Variants in FER1L5 observed in about 807,000 individuals in gnomAD.
The protein encoded by FER1L5 is fer-1-like protein 5.
In FER1L5, 187 loss-of-function variants were observed where a neutral mutation model predicts 279.9. The ratio of observed to expected loss-of-function variants is 0.67; its 90% CI spans 0.59 to 0.75. The LOEUF (loss-of-function observed/expected upper bound fraction) is 0.75. Ranked by LOEUF, FER1L5 falls within the 30% of genes least tolerant of loss-of-function variation. The probability of loss-of-function intolerance (pLI) is 0.00; values close to 1 mark genes in which losing one functional copy is unlikely to be tolerated. For missense variants in FER1L5, 2,091 were observed against 2,594.4 expected, an observed-to-expected ratio of 0.81 and a Z score of 4.21; for synonymous variants, 921 against 989.7, an observed-to-expected ratio of 0.93 and a Z score of 1.30.
At chr2:96,673,002 C>T in intron 18 of FER1L5, 75 bp from the exon 19 acceptor site, 1 of 1,481,354 alleles carries the variant, frequency 6.8e-7, no homozygotes, top group Non-Finnish European at 9.0e-7. Context: ...ATACCTCATC[C>T]TTGCCTCCCT....
At chr2:96,664,401 A>G (rs550038134) in intron 14 of FER1L5, among the ~76,000 whole-genome samples, 1 of 152,274 alleles carries the variant, frequency 6.6e-6, no homozygotes, top group East Asian at 1.9e-4. Flanking sequence ...ACTACGTATT[A>G]GCTTGCATTT....
At chr2:96,661,290 C>A in intron 10 of FER1L5, 35 bp from the exon 11 acceptor site, 1 of 1,411,426 alleles carries the variant, frequency 7.1e-7, no homozygotes. Flanking sequence ...AAGGAGGCTG[C>A]AGGCAGATCT....
At chr2:96,679,123 G>A (rs2076618353) in intron 19 of FER1L5, among the ~76,000 whole-genome samples, 1 of 152,072 alleles carries the variant, frequency 6.6e-6, no homozygotes. Context: ...GGGAGGCTGA[G>A]GCAGATCACT....
intron 17 of FER1L5, among the ~76,000 whole-genome samples, chr2:96,669,407 G>A (rs946672043): frequency 6.6e-6 from 1 of 152,202 alleles, no homozygotes; most frequent in Non-Finnish European, 1.5e-5. Flanking sequence ...GGAAGGGCGC[G>A]AAGGACGGAG....
intron 8 of FER1L5, chr2:96,654,038 C>A: frequency 2.6e-6 from 1 of 385,298 alleles, no homozygotes; most frequent in Non-Finnish European, 4.7e-6. Flanking sequence ...CAATGTGGAA[C>A]ATGTGGTTAT....
chr2:96,659,344 T>C (rs2075765140), intron 9 of FER1L5, among the ~76,000 whole-genome samples: 1 of 84,894 alleles, frequency 1.2e-5, no homozygotes, highest in African/African-American at 5.1e-5. Flanking sequence ...CTTCCTTCCT[T>C]CCTTCCTTCC....
chr2:96,658,596 C>T (rs1402943245), intron 9 of FER1L5, among the ~76,000 whole-genome samples: 1 of 151,936 alleles, frequency 6.6e-6, no homozygotes, highest in East Asian at 1.9e-4. Context: ...AGTTTTTTTT[C>T]CAAAATTCCA....
intron 18 of FER1L5, 24 bp downstream of exon 18, chr2:96,670,271 C>T (rs1013923730): frequency 7.1e-6 from 11 of 1,549,688 alleles, no homozygotes; most frequent in Non-Finnish European, 8.7e-6. Flanking sequence ...ACAGGTAACC[C>T]AGGGAAAAAC....
In FER1L5 at chr2:96,695,543, C is replaced by A; in HGVS notation, c.3776C>A (p.Ala1259Glu). 1 of 1,593,224 alleles carries A rather than the reference C, an allele frequency of 6.3e-7. No homozygotes were observed. Among genetic ancestry groups the A allele is most frequent in the East Asian group, 2.3e-5 (1 of 43,990 alleles). The change falls in exon 35 of 53, where the codon GCG becomes GAG. Residue 1259 changes from alanine (A) to glutamate (E), a missense_variant. Physicochemically the swap from Ala to Glu is moderately radical, Grantham distance 107. Transcript: ENST00000624922. The part of the protein sequence containing the change: ...LAWGLRNMKK[A>E]SSPQLLVEFG... ...TGGGGCCTTCGGAACATGAAGAAGGCGAGCTCCCCCCAGCTCCTGGTGGAA... is the reference window on the plus strand; with the variant it reads ...TGGGGCCTTCGGAACATGAAGAAGGAGAGCTCCCCCCAGCTCCTGGTGGAA...
intron 11 of FER1L5, 64 bp from the exon 12 acceptor site, chr2:96,661,604 G>A: frequency 6.5e-7 from 1 of 1,547,124 alleles, no homozygotes. Flanking sequence ...GAGAAGCAAA[G>A]TCTGGTGTCC....
intron 19 of FER1L5, among the ~76,000 whole-genome samples, chr2:96,673,612 TCCCA>T (rs2076407393): frequency 6.6e-6 from 1 of 151,944 alleles, no homozygotes; most frequent in Non-Finnish European, 1.5e-5. Context: ...GCCACTCAAC[TCCCA>T]CCCACCCACT....
chr2:96,675,490 A>G (rs2076478600), intron 19 of FER1L5, among the ~76,000 whole-genome samples: 1 of 152,174 alleles, frequency 6.6e-6, no homozygotes, highest in African/African-American at 2.4e-5. Flanking sequence ...GCAATGGTAC[A>G]ATCTCAGCTC....
intron 9 of FER1L5, among the ~76,000 whole-genome samples, chr2:96,659,279 ATTTATCAAGCT>A (rs1196589741): frequency 1.5e-4 from 21 of 135,930 alleles, no homozygotes; most frequent in African/African-American, 5.6e-4. Flanking sequence ...ATGAAGTCCA[ATTTATCAAGCT>A]TTCCTTCCTT....
chr2:96,656,123 C>T (rs901394848), intron 9 of FER1L5, among the ~76,000 whole-genome samples: 35 of 152,200 alleles, frequency 2.3e-4, no homozygotes, highest in African/African-American at 8.0e-4. Context: ...TAGCCCCCTT[C>T]GCCTTCACCG....
intron 12 of FER1L5, 36 bp downstream of exon 12, chr2:96,661,827 A>G (rs2106527918): frequency 1.3e-6 from 2 of 1,549,800 alleles, no homozygotes; most frequent in Non-Finnish European, 1.7e-6. Flanking sequence ...AGCAGCCCTG[A>G]GATTCCCTAC....
At chr2:96,703,406 A>T in intron 50 of FER1L5, 60 bp downstream of exon 50, 1 of 1,597,358 alleles carries the variant, frequency 6.3e-7, no homozygotes, top group Non-Finnish European at 8.5e-7. Context: ...TGGCTCTAAC[A>T]GACATCTAGG....
chr2:96,656,828 G>A (rs2075619160), intron 9 of FER1L5, among the ~76,000 whole-genome samples: 2 of 149,806 alleles, frequency 1.3e-5, no homozygotes, highest in South Asian at 4.2e-4. Context: ...TCTGGTCTGG[G>A]TTTTGCTGAT....
At chr2:96,680,494 C>G (rs2076679250) in intron 19 of FER1L5, among the ~76,000 whole-genome samples, 1 of 152,088 alleles carries the variant, frequency 6.6e-6, no homozygotes, top group East Asian at 1.9e-4. Flanking sequence ...TGTCCTCTCT[C>G]TGGGCTGCAT....
rs924967770 is a variant in FER1L5, at chr2:96,686,032, C to T, written c.1988C>T (p.Ala663Val). The change falls in exon 22 of 53, where the codon GCC (alanine) becomes GTC (valine). Residue 663 changes from alanine (A) to valine (V), a missense_variant. Ala to Val is a moderately conservative substitution (Grantham distance 64, BLOSUM62 0). Transcript: ENST00000624922. ...QLRSLLLQEL[A>V]QKAKQAKPKD... ...CGCAGCCTCCTCCTGCAGGAACTGG[C>T]CCAAAAGGCCAAGCAAGCCAAGCCC... 3 of 1,551,480 alleles carry T rather than the reference C, an allele frequency of 1.9e-6. No individual in the cohort carries two copies. In the African/African-American group the frequency reaches 4.1e-5, roughly 21 times the overall value.
Sources: gnomAD v4.1 joint callset for allele counts (sites outside exome capture counted in the v4.1 genomes callset) on GRCh38, gnomAD v4.1.1 for gene constraint, MANE v1.5 for transcripts, NCBI Gene and HGNC (gene_info 2026-07-23, HGNC 2026-07-21) for gene names.